THRB: variants seen among roughly 807,000 people sequenced by gnomAD.
THRB encodes the protein thyroid hormone receptor beta.
A neutral mutation model predicts 47.8 loss-of-function variants in THRB; 12 were observed. The ratio of observed to expected loss-of-function variants is 0.25; its 90% CI spans 0.16 to 0.41. The LOEUF (loss-of-function observed/expected upper bound fraction) is 0.41. THRB is among the 10% of genes least tolerant of loss of function. The probability of loss-of-function intolerance (pLI) is 1.00; values close to 1 mark genes in which losing one functional copy is unlikely to be tolerated. For missense variants in THRB, 348 were observed against 589.2 expected, an observed-to-expected ratio of 0.59 and a Z score of 4.24; for synonymous variants, 218 against 212.2, an observed-to-expected ratio of 1.03 and a Z score of -0.24.
intron 1 of THRB, among the ~76,000 whole-genome samples, chr3:24,358,452 T>A (rs1335102995): frequency 6.6e-6 from 1 of 152,172 alleles, no homozygotes; most frequent in Non-Finnish European, 1.5e-5. Flanking sequence ...TATTTTGGCA[T>A]AAGTAGTAGC....
intron 1 of THRB, among the ~76,000 whole-genome samples, chr3:24,467,809 C>G (rs535958782): frequency 6.6e-6 from 1 of 152,146 alleles, no homozygotes; most frequent in Non-Finnish European, 1.5e-5. Flanking sequence ...CTCAGGTATT[C>G]ATAATGGCAA....
At chr3:24,262,228 A>C (rs2052133787) in intron 3 of THRB, among the ~76,000 whole-genome samples, 1 of 152,220 alleles carries the variant, frequency 6.6e-6, no homozygotes, top group Non-Finnish European at 1.5e-5. Flanking sequence ...TTCAGAATCA[A>C]AACATTCTTT....
intron 3 of THRB, among the ~76,000 whole-genome samples, chr3:24,256,618 T>TA (rs1276110583): frequency 4.6e-5 from 7 of 152,186 alleles, no homozygotes; most frequent in African/African-American, 1.2e-4. Flanking sequence ...AGGAGAGAGA[T>TA]ACGTGTCTCA....
chr3:24,357,420 G>C (rs550855206), intron 1 of THRB, among the ~76,000 whole-genome samples: 3 of 124,276 alleles, frequency 2.4e-5, no homozygotes, highest in African/African-American at 8.9e-5. Context: ...CTTACCATTT[G>C]AATAGAAATA....
At chr3:24,144,228 C>T (rs1466977387) in intron 7 of THRB, 5 of 177,880 alleles carry the variant, frequency 2.8e-5, no homozygotes, top group South Asian at 1.3e-4. Context: ...GGAAAAAGGA[C>T]CCCAACTCTT....
At chr3:24,132,225 C>A (rs2033969012) in intron 9 of THRB, among the ~76,000 whole-genome samples, 1 of 152,216 alleles carries the variant, frequency 6.6e-6, no homozygotes, top group African/African-American at 2.4e-5. Context: ...AAGAGGCTCA[C>A]AGCTGTCCGT....
chr3:24,234,524 C>T (rs2048670772), intron 3 of THRB, among the ~76,000 whole-genome samples: 1 of 152,126 alleles, frequency 6.6e-6, no homozygotes, highest in East Asian at 1.9e-4. Context: ...AGGAATCCAT[C>T]AACCCAAGGA....
At chr3:24,400,941 A>G (rs959355133) in intron 1 of THRB, among the ~76,000 whole-genome samples, 5 of 152,076 alleles carry the variant, frequency 3.3e-5, no homozygotes, top group Admixed American at 6.6e-5. Context: ...TGGCTTGGAT[A>G]GATTTTTGGC....
Position 24,152,508 on chromosome 3 carries a change from GA to G in THRB, c.284-19del. On this transcript the variant is annotated intron_variant, in intron 5 of 10. Transcript: ENST00000646209. ...GATGTACCCTGTGAAGGAAATAAAAGAAGGAATATTAAAAAATAATATGTTA... is the reference window on the plus strand; with the variant it reads ...GATGTACCCTGTGAAGGAAATAAAAGAGGAATATTAAAAAATAATATGTTA... The G allele has an allele frequency of 7.8e-7, 1 of 1,279,602 alleles. No individual in the cohort carries two copies. Among genetic ancestry groups the G allele is most frequent in the Non-Finnish European group, 1.1e-6 (1 of 875,480 alleles). 79.3% of individuals were successfully genotyped at this position (1,279,602 alleles called of 1,614,324 possible).
At chr3:24,218,717 C>T (rs1448779013) in intron 4 of THRB, among the ~76,000 whole-genome samples, 1 of 152,018 alleles carries the variant, frequency 6.6e-6, no homozygotes, top group Non-Finnish European at 1.5e-5. Context: ...ACATCCTCAC[C>T]ACAATCCTTT....
intron 3 of THRB, among the ~76,000 whole-genome samples, 177 bp downstream of exon 3, chr3:24,297,049 A>G (rs893296559): frequency 1.3e-5 from 2 of 152,248 alleles, no homozygotes; most frequent in African/African-American, 4.8e-5. Flanking sequence ...ATCACAAGGC[A>G]TATCTGAGGG....
chr3:24,483,239 A>G (rs539581683), intron 1 of THRB, among the ~76,000 whole-genome samples: 2 of 152,220 alleles, frequency 1.3e-5, no homozygotes, highest in South Asian at 4.1e-4. Flanking sequence ...ATAATTTGGG[A>G]AGAAAACAAG....
At chr3:24,262,672 A>G (rs1279768823) in intron 3 of THRB, among the ~76,000 whole-genome samples, 2 of 152,134 alleles carry the variant, frequency 1.3e-5, no homozygotes, top group African/African-American at 4.8e-5. Context: ...TCTTTGCCCA[A>G]ATGTTACCTT....
intron 1 of THRB, among the ~76,000 whole-genome samples, chr3:24,420,238 C>T (rs1196676264): frequency 6.6e-6 from 1 of 151,864 alleles, no homozygotes. Context: ...AAATATGGGG[C>T]CATTTGCTCA....
chr3:24,467,786 G>A (rs949345226), intron 1 of THRB, among the ~76,000 whole-genome samples: 2 of 152,174 alleles, frequency 1.3e-5, no homozygotes, highest in African/African-American at 4.8e-5. Context: ...ATTTAGCATA[G>A]TTCTTAAGGG....
intron 1 of THRB, among the ~76,000 whole-genome samples, chr3:24,403,000 A>G (rs1339939575): frequency 6.6e-6 from 1 of 152,048 alleles, no homozygotes; most frequent in Non-Finnish European, 1.5e-5. Flanking sequence ...GAAACAATCT[A>G]AATATTCGTT....
chr3:24,212,802 T>C (rs2046195628), intron 4 of THRB, among the ~76,000 whole-genome samples: 3 of 152,120 alleles, frequency 2.0e-5, no homozygotes, highest in Non-Finnish European at 2.9e-5. Context: ...CTCATCTAGA[T>C]GAAGCGACCT....
At position 24,437,248 on chromosome 3, in the gene THRB, T is replaced by C. The variant is rs537309278; in HGVS notation, c.-261+57404A>G. 5.3e-5 allele frequency among the ~76,000 whole-genome samples: 8 copies of C among 151,738 alleles called. No individual in the cohort carries two copies. In the East Asian group the frequency reaches 1.6e-3, roughly 29 times the overall value. ...TCATTTGCAGCAATATGGAACAGAA[T>C]TGGAGGTCATTGCGTTAAGTGAAAT... On this transcript the variant is annotated intron_variant, in intron 1 of 10. Transcript: ENST00000646209.
chr3:24,135,847 A>ATATATT (rs371175625), intron 8 of THRB, among the ~76,000 whole-genome samples: 27 of 130,980 alleles, frequency 2.1e-4, no homozygotes, highest in African/African-American at 7.7e-4. Flanking sequence ...ATATATATAT[A>ATATATT]ATACATAAAT....
Sources: gnomAD v4.1 joint callset for allele counts (sites outside exome capture counted in the v4.1 genomes callset) on GRCh38, gnomAD v4.1.1 for gene constraint, MANE v1.5 for transcripts, NCBI Gene and HGNC (gene_info 2026-07-23, HGNC 2026-07-21) for gene names.